Variants in DCC observed in about 807,000 individuals in gnomAD.
DCC encodes the protein DCC netrin 1 receptor, also known as netrin receptor DCC.
A neutral mutation model predicts 172.5 loss-of-function variants in DCC; 58 were observed. The observed-to-expected ratio is 0.34, with a 90% CI of 0.27 to 0.42. The LOEUF is 0.42. DCC is among the 10% of genes least tolerant of loss of function. The probability of loss-of-function intolerance (pLI) is 1.00; values close to 1 mark genes in which losing one functional copy is unlikely to be tolerated. For synonymous variants in DCC, 709 were observed against 644.5 expected (o/e 1.10, Z -1.52); for missense variants, 1,740 against 1,791.0 (o/e 0.97, Z 0.51).
intron 15 of DCC, among the ~76,000 whole-genome samples, chr18:53,360,343 G>C (rs1038409089): frequency 2.6e-5 from 4 of 152,088 alleles, no homozygotes; most frequent in African/African-American, 9.7e-5. Context: ...TAATCAGATA[G>C]ATTATTCATA....
chr18:53,204,508 C>T (rs868225335), intron 9 of DCC, among the ~76,000 whole-genome samples: 2 of 151,330 alleles, frequency 1.3e-5, no homozygotes, highest in Non-Finnish European at 2.9e-5. Flanking sequence ...GATCATGCCA[C>T]TGCACTCCAG....
intron 2 of DCC, among the ~76,000 whole-genome samples, chr18:52,871,134 G>A (rs774445419): frequency 3.9e-5 from 6 of 152,114 alleles, no homozygotes; most frequent in East Asian, 1.9e-4. Flanking sequence ...AGGACAAAAA[G>A]TGTGCTGCTT....
intron 1 of DCC, among the ~76,000 whole-genome samples, chr18:52,503,397 G>A (rs1336871214): frequency 1.3e-5 from 2 of 152,124 alleles, no homozygotes; most frequent in Non-Finnish European, 2.9e-5. Context: ...AAGCAAAGTA[G>A]TCTATTTGTT....
chr18:53,428,592 T>A (rs1216725292), intron 21 of DCC, among the ~76,000 whole-genome samples: 2 of 63,028 alleles, frequency 3.2e-5, no homozygotes, highest in East Asian at 8.1e-4. Flanking sequence ...TATATATTTT[T>A]ATATATAATT....
intron 1 of DCC, among the ~76,000 whole-genome samples, chr18:52,474,831 T>C (rs1460301152): frequency 6.6e-6 from 1 of 152,210 alleles, no homozygotes; most frequent in Non-Finnish European, 1.5e-5. Flanking sequence ...AAAGACTTTC[T>C]CCTTTATGGA....
intron 7 of DCC, among the ~76,000 whole-genome samples, chr18:53,102,410 G>T (rs939271203): frequency 6.6e-6 from 1 of 152,050 alleles, no homozygotes; most frequent in Admixed American, 6.6e-5. Flanking sequence ...TCTTTTGATT[G>T]TCTAGGATCT....
chr18:53,436,644 C>T (rs1409310379), intron 22 of DCC, among the ~76,000 whole-genome samples: 3 of 152,130 alleles, frequency 2.0e-5, no homozygotes, highest in East Asian at 1.9e-4. Context: ...AATATATTTT[C>T]ACCTCTTGAC....
chr18:53,303,576 AC>A (rs946538767), intron 12 of DCC, among the ~76,000 whole-genome samples: 2 of 151,732 alleles, frequency 1.3e-5, no homozygotes, highest in African/African-American at 4.8e-5. Context: ...GAATTACTTG[AC>A]CCCCCTTGCA....
At chr18:53,407,884 C>G (rs1909766666) in intron 19 of DCC, among the ~76,000 whole-genome samples, 1 of 152,008 alleles carries the variant, frequency 6.6e-6, no homozygotes, top group Non-Finnish European at 1.5e-5. Flanking sequence ...ACACATGAGA[C>G]AGAAAACAAC....
rs930319077 is a variant in DCC, at chr18:53,288,636, G to A, written c.1912-16942G>A. Among the ~76,000 whole-genome samples the A allele has an allele frequency of 9.9e-5, 15 of 152,154 alleles. No homozygotes were observed. The East Asian group carries it at 2.1e-3, about 22-fold the overall frequency. ...ATTAAAATTATAGCCAACTACAGGTGCTGCTAATTGTTAATCAATTAGATG... is the reference window on the plus strand; with the variant it reads ...ATTAAAATTATAGCCAACTACAGGTACTGCTAATTGTTAATCAATTAGATG... On this transcript the variant is annotated intron_variant, in intron 12 of 28. Coordinates refer to ENST00000442544, the MANE Select transcript of DCC (RefSeq NM_005215.4).
At chr18:52,918,813 CTA>C (rs1347632809) in intron 3 of DCC, among the ~76,000 whole-genome samples, 1 of 152,084 alleles carries the variant, frequency 6.6e-6, no homozygotes, top group African/African-American at 2.4e-5. Context: ...CAAAAACAAA[CTA>C]AAAATCAAAC....
intron 2 of DCC, among the ~76,000 whole-genome samples, chr18:52,842,435 G>T (rs2038822161): frequency 6.6e-6 from 1 of 152,150 alleles, no homozygotes; most frequent in Non-Finnish European, 1.5e-5. Context: ...CAGTCAGGTA[G>T]AAAGAATCTT....
intron 12 of DCC, among the ~76,000 whole-genome samples, chr18:53,274,563 A>G (rs1471297579): frequency 6.6e-6 from 1 of 152,164 alleles, no homozygotes; most frequent in Non-Finnish European, 1.5e-5. Context: ...TGCCACTGCA[A>G]GTTGCATAGG....
chr18:53,134,684 TAAAAG>T (rs1378046456), intron 7 of DCC, among the ~76,000 whole-genome samples: 1 of 152,166 alleles, frequency 6.6e-6, no homozygotes, highest in African/African-American at 2.4e-5. Flanking sequence ...AGACTATAGT[TAAAAG>T]AAATGATTTT....
At chr18:53,388,773 G>A (rs947284481) in intron 16 of DCC, among the ~76,000 whole-genome samples, 3 of 152,098 alleles carry the variant, frequency 2.0e-5, no homozygotes, top group Non-Finnish European at 4.4e-5. Context: ...ATGTAAAATT[G>A]CATCATTATT....
At chr18:53,311,522 G>A (rs891037330) in intron 13 of DCC, among the ~76,000 whole-genome samples, 1 of 152,176 alleles carries the variant, frequency 6.6e-6, no homozygotes, top group Non-Finnish European at 1.5e-5. Flanking sequence ...ATTGTGTGTT[G>A]TCTAACTCCT....
chr18:52,871,247 A>G (rs1228475765), intron 2 of DCC, among the ~76,000 whole-genome samples: 1 of 152,094 alleles, frequency 6.6e-6, no homozygotes, highest in African/African-American at 2.4e-5. Context: ...CACGGTGGAA[A>G]CCAAGAGAGT....
chr18:53,433,768 C>G (rs1325817401), intron 21 of DCC, among the ~76,000 whole-genome samples: 2 of 152,140 alleles, frequency 1.3e-5, no homozygotes, highest in African/African-American at 4.8e-5. Flanking sequence ...CTCTCACCAC[C>G]ACCTTCCCCC....
At position 52,375,831 on chromosome 18, in the gene DCC, G is replaced by A. The variant is rs575022059; in HGVS notation, c.91+34953G>A. On this transcript the variant is annotated intron_variant, in intron 1 of 28. Coordinates refer to ENST00000442544, the MANE Select transcript of DCC (RefSeq NM_005215.4). ...GGGTTAAGTGTTTCTGGGAATACTG[G>A]GAGTACCAGGTCAGATCCTGACCCC... is the stretch of plus-strand genomic sequence containing the variant. 2.0e-5 allele frequency among the ~76,000 whole-genome samples: 3 copies of A among 152,256 alleles called. No individual in the cohort carries two copies. The South Asian group carries it at 6.2e-4, about 32-fold the overall frequency.
Sources: allele counts gnomAD v4.1 joint callset (sites outside exome capture counted in the v4.1 genomes callset), GRCh38; gene constraint gnomAD v4.1.1; transcripts MANE v1.5; gene names NCBI Gene and HGNC (gene_info 2026-07-23, HGNC 2026-07-21).